SNAPC3: variants seen among roughly 807,000 people sequenced by gnomAD.
SNAPC3 encodes snRNA-activating protein complex subunit 3.
SNAPC3 carries 56 observed loss-of-function variants against 47.7 expected under a neutral mutation model. The observed-to-expected ratio is 1.18, with a 90% confidence interval of 0.95 to 1.47. The LOEUF (loss-of-function observed/expected upper bound fraction) is 1.47. Ranked by LOEUF, SNAPC3 falls within the 40% of genes most tolerant of loss-of-function variation. SNAPC3 has a pLI of 0.00. For missense variants in SNAPC3, 665 were observed against 511.3 expected, an observed-to-expected ratio of 1.30 and a Z score of -2.90; for synonymous variants, 235 against 189.9, an observed-to-expected ratio of 1.24 and a Z score of -1.95.
chr9:15,433,832 T>C, intron 3 of SNAPC3, 196 bp downstream of exon 3: 1 of 405,622 alleles, frequency 2.5e-6, no homozygotes, highest in Non-Finnish European at 4.3e-6. Context: ...TGTTTGACTT[T>C]TTCAGATCTC....
intron 2 of SNAPC3, among the ~76,000 whole-genome samples, chr9:15,432,211 G>A (rs1053675876): frequency 1.3e-5 from 2 of 152,108 alleles, no homozygotes; most frequent in African/African-American, 4.8e-5. Context: ...TGAATCCTGT[G>A]GTTTTAGTTT....
Position 15,422,940 on chromosome 9 carries a change from G to C in SNAPC3, c.61G>C (p.Val21Leu), listed in dbSNP as rs1345982007. The C allele has an allele frequency of 3.3e-6, 5 of 1,537,032 alleles. No individual in the cohort carries two copies. The highest frequency in any genetic ancestry group is 3.5e-6 in the Non-Finnish European group (4 of 1,145,822). ...CSGVGGRQDP[V>L]SGSGGCNFPE... is the part of the protein sequence containing the mutation. ...CGGGGTGGGTGGCAGGCAGGACCCAGTCTCCGGCAGTGGCGGCTGCAACTT... is the reference window on the plus strand; with the variant it reads ...CGGGGTGGGTGGCAGGCAGGACCCACTCTCCGGCAGTGGCGGCTGCAACTT... The change falls in exon 1 of 9, where the codon GTC becomes CTC. Residue 21 changes from valine (V) to leucine (L), a missense_variant. By Grantham distance (32) the Val-to-Leu change is conservative (BLOSUM62 1). Transcript: ENST00000380821.
chr9:15,434,233 C>A (rs1171704727), intron 3 of SNAPC3, among the ~76,000 whole-genome samples: 2 of 152,092 alleles, frequency 1.3e-5, no homozygotes, highest in Admixed American at 6.6e-5. Flanking sequence ...AAATCATCAC[C>A]ATTTCCAGAA....
chr9:15,429,304 G>C (rs1335442960), intron 2 of SNAPC3, among the ~76,000 whole-genome samples: 1 of 152,116 alleles, frequency 6.6e-6, no homozygotes, highest in East Asian at 1.9e-4. Flanking sequence ...CGAAAACCTG[G>C]GTAATTTCTG....
chr9:15,464,596 T>C (rs1378350359), downstream of SNAPC3: 1 of 197,610 alleles, frequency 5.1e-6, no homozygotes, highest in African/African-American at 2.3e-5. Flanking sequence ...AGTTTCCTTA[T>C]ATAACATTTA....
rs550998393 is a variant in SNAPC3, at chr9:15,458,396, A to G, written c.1088+329A>G. 4.6e-5 allele frequency among the ~76,000 whole-genome samples: 7 copies of G among 152,324 alleles called. No individual in the cohort carries two copies. In the South Asian group the frequency reaches 6.2e-4, roughly 14 times the overall value. ...ATACATTCAAGAAAAGCTCTGTACA[A>G]TAACTCCCTGTTAGAGGGTCACAGT... is the stretch of plus-strand genomic sequence containing the variant. On this transcript the variant is annotated intron_variant, in intron 8 of 8. Coordinates refer to ENST00000380821, the MANE Select transcript of SNAPC3 (RefSeq NM_001039697.2).
intron 2 of SNAPC3, among the ~76,000 whole-genome samples, chr9:15,427,054 C>G (rs1378504972): frequency 1.8e-4 from 27 of 152,128 alleles, no homozygotes. Context: ...TACATCATTT[C>G]TTTATTATGA....
At chr9:15,426,714 G>A (rs931079027) in intron 2 of SNAPC3, among the ~76,000 whole-genome samples, 4 of 152,140 alleles carry the variant, frequency 2.6e-5, no homozygotes, top group African/African-American at 7.2e-5. Context: ...TTTTAAGACT[G>A]CTTAAACATT....
At chr9:15,449,442 G>C (rs1185461599) in intron 5 of SNAPC3, among the ~76,000 whole-genome samples, 3 of 150,590 alleles carry the variant, frequency 2.0e-5, no homozygotes, top group South Asian at 2.1e-4. Flanking sequence ...GATAGCTTCG[G>C]AAGTTTTTTA....
chr9:15,466,727 C>T, downstream of SNAPC3: 1 of 1,557,232 alleles, frequency 6.4e-7, no homozygotes, highest in Non-Finnish European at 8.8e-7. Flanking sequence ...CACACAAGAC[C>T]CATTAAAACC....
In SNAPC3 at chr9:15,451,307, T is replaced by G; in HGVS notation, c.733-13T>G. ...TAGTTGATTTTCTCTCAATACAATC[T>G]GTTTTCTTGTAGGACCTATACAAAT... On this transcript the variant is annotated splice_polypyrimidine_tract_variant and intron_variant, in intron 5 of 8. Coordinates refer to ENST00000380821, the MANE Select transcript of SNAPC3 (RefSeq NM_001039697.2). 1 of 1,106,012 alleles carries G rather than the reference T, an allele frequency of 9.0e-7. No homozygotes were observed. Among genetic ancestry groups the G allele is most frequent in the African/African-American group, 1.6e-5 (1 of 64,064 alleles). The allele number at this position is 1,106,012 out of a possible 1,614,324, so 68.5% of individuals were successfully genotyped here.
At chr9:15,437,413 A>G (rs2032925615) in intron 3 of SNAPC3, among the ~76,000 whole-genome samples, 1 of 151,938 alleles carries the variant, frequency 6.6e-6, no homozygotes, top group African/African-American at 2.4e-5. Flanking sequence ...TTGTATTTTT[A>G]GTAGACACAG....
At chr9:15,433,838 A>G (rs2032473198) in intron 3 of SNAPC3, 1 of 397,222 alleles carries the variant, frequency 2.5e-6, no homozygotes, top group African/African-American at 2.1e-5. Flanking sequence ...ACTTTTTCAG[A>G]TCTCTGCCTT....
In SNAPC3 at chr9:15,433,554, T is replaced by C; in HGVS notation, c.395T>C (p.Val132Ala). 6.3e-7 allele frequency: 1 copy of C among 1,585,562 alleles called. No homozygotes were observed. Among genetic ancestry groups the C allele is most frequent in the Non-Finnish European group, 8.6e-7 (1 of 1,160,836 alleles). Residue 132 changes from valine (V) to alanine (A), a missense_variant and splice_region_variant, in exon 3 of 9, where the codon GTT becomes GCT. Physicochemically the swap from Val to Ala is moderately conservative, Grantham distance 64. Transcript: ENST00000380821. ...TTTTTCTTTTACATCTACAACAGGGTTAGAAAAAGGTTCTTGGAACATCGG... is the reference window on the plus strand; with the variant it reads ...TTTTTCTTTTACATCTACAACAGGGCTAGAAAAAGGTTCTTGGAACATCGG... ...PENTDLVTLG[V>A]RKRFLEHREE...
chr9:15,460,933 G>T lies in SNAPC3; in HGVS notation c.*1067G>T, dbSNP rs1563857608. 2 of 152,102 alleles carry T rather than the reference G, an allele frequency of 1.3e-5. No homozygotes were observed. 9.4% of individuals were successfully genotyped at this position (152,102 alleles called of 1,614,324 possible). A position where few individuals can be genotyped will look rare whatever the true frequency, so the allele number is the denominator to read the frequency against. On this transcript the variant is annotated 3_prime_UTR_variant, in exon 9 of 9. Transcript: ENST00000380821. The stretch of plus-strand genomic sequence containing the variant: ...TACTATGATTTAAAAAACAATAGCA[G>T]ATTTCGTATGACTGTGGGGACATGG...
intron 3 of SNAPC3, among the ~76,000 whole-genome samples, chr9:15,440,154 A>T (rs979227515): frequency 2.6e-5 from 4 of 152,204 alleles, no homozygotes; most frequent in Non-Finnish European, 2.9e-5. Context: ...GTATTGTTTA[A>T]TCCATTTATT....
intron 2 of SNAPC3, among the ~76,000 whole-genome samples, chr9:15,432,335 T>C (rs2032265822): frequency 6.6e-6 from 1 of 152,116 alleles, no homozygotes; most frequent in African/African-American, 2.4e-5. Flanking sequence ...TTCCTGCCTA[T>C]CTCAGCTGAG....
intron 3 of SNAPC3, among the ~76,000 whole-genome samples, chr9:15,437,190 A>T (rs2131820722): frequency 6.6e-6 from 1 of 151,668 alleles, no homozygotes; most frequent in Middle Eastern, 3.4e-3. Flanking sequence ...ATTTATCCCT[A>T]AATATTTTAT....
downstream of SNAPC3, chr9:15,465,516 C>A: frequency 6.5e-7 from 1 of 1,547,036 alleles, no homozygotes; most frequent in South Asian, 1.2e-5. Context: ...CCAGGTATGT[C>A]AACCTAGTTA....
Sources: allele counts gnomAD v4.1 joint callset (sites outside exome capture counted in the v4.1 genomes callset), GRCh38; gene constraint gnomAD v4.1.1; transcripts MANE v1.5; gene names NCBI Gene and HGNC (gene_info 2026-07-23, HGNC 2026-07-21).